Variants in AP2A2 observed in about 807,000 individuals in gnomAD.
AP2A2 encodes the protein AP-2 complex subunit alpha-2.
AP2A2 carries 32 observed loss-of-function variants against 104.2 expected under a neutral mutation model. The observed-to-expected ratio is 0.31, with a 90% CI of 0.23 to 0.41. The LOEUF (loss-of-function observed/expected upper bound fraction) is 0.41. Ranked by LOEUF, AP2A2 falls within the 10% of genes least tolerant of loss-of-function variation. The pLI is 1.00. For missense variants in AP2A2, 912 were observed against 1,261.0 expected (o/e 0.72, Z 4.19); for synonymous variants, 539 against 533.3 (o/e 1.01, Z -0.15).
intron 19 of AP2A2, 27 bp downstream of exon 19, chr11:1,009,243 CAG>C (rs750620957): frequency 7.5e-6 from 12 of 1,609,316 alleles, no homozygotes; most frequent in South Asian, 3.3e-5. Context: ...CTGTAGGGGT[CAG>C]GGGTGGGGAC....
intron 1 of AP2A2, among the ~76,000 whole-genome samples, chr11:956,108 G>A (rs182789645): frequency 2.1e-4 from 32 of 152,332 alleles, no homozygotes; most frequent in African/African-American, 7.7e-4. Flanking sequence ...AGGAGGCCAA[G>A]GTGAGAGGAT....
intron 2 of AP2A2, among the ~76,000 whole-genome samples, chr11:960,289 G>T (rs1355774499): frequency 4.7e-5 from 7 of 150,076 alleles, no homozygotes; most frequent in African/African-American, 1.5e-4. Context: ...GTCGCTCAGT[G>T]TGGAGTGCAG....
chr11:980,892 A>G (rs1439844570), intron 5 of AP2A2, among the ~76,000 whole-genome samples: 1 of 152,256 alleles, frequency 6.6e-6, no homozygotes, highest in African/African-American at 2.4e-5. Flanking sequence ...GGCAGCAGGC[A>G]AGGTGGCGTG....
rs190263258 is a variant in AP2A2 at position 994,497 on chromosome 11, C to T, written c.1956+252C>T. Among the ~76,000 whole-genome samples the T allele has an allele frequency of 4.6e-3, 683 of 147,090 alleles. 2 individuals are homozygous for T. Among genetic ancestry groups the T allele is most frequent in the Middle Eastern group, 7.5e-3 (2 of 268 alleles). On this transcript the variant is annotated intron_variant, in intron 14 of 21. Coordinates refer to ENST00000448903, the MANE Select transcript of AP2A2 (RefSeq NM_012305.4). ...CCCGGGGGCCACTGTCCCTGCTGGA[C>T]GCCCCGCTGTCTGTCCCGGGGGCCA...
chr11:989,934 C>A (rs574803655), intron 10 of AP2A2, among the ~76,000 whole-genome samples: 1 of 152,180 alleles, frequency 6.6e-6, no homozygotes, highest in African/African-American at 2.4e-5. Context: ...GGGCGAAGTG[C>A]GGCTCAAGGC....
intron 1 of AP2A2, among the ~76,000 whole-genome samples, chr11:943,838 G>A (rs531883511): frequency 4.1e-5 from 6 of 147,972 alleles, no homozygotes; most frequent in East Asian, 2.0e-4. Flanking sequence ...GAGTCCGACC[G>A]GAGATGCAGG....
chr11:977,026 G>A (rs1046994249), intron 4 of AP2A2, 69 bp from the exon 5 acceptor site: 16 of 1,598,204 alleles, frequency 1.0e-5, no homozygotes, highest in Admixed American at 6.9e-5. Flanking sequence ...CTGGCTCTGG[G>A]GGGGTGCTCC....
Position 993,672 on chromosome 11 carries a change from G to T in AP2A2, c.1551-82G>T. 8.9e-7 allele frequency: 1 copy of T among 1,124,090 alleles called. No individual in the cohort carries two copies. The allele number at this position is 1,124,090 out of a possible 1,614,324, so 69.6% of individuals were successfully genotyped here. On this transcript the variant is annotated intron_variant, in intron 12 of 21. Coordinates refer to ENST00000448903, the MANE Select transcript of AP2A2 (RefSeq NM_012305.4). The surrounding 1 kb of genome is among the most constrained non-coding windows in gnomAD (Gnocchi z 8.2). The stretch of plus-strand genomic sequence containing the variant: ...CCTCTGGTGCAGGCCAGGGGGTCTC[G>T]CCGCCGTCCCCCCCCCGCGGGGGCG...
Position 1,010,277 on chromosome 11 carries a change from G to A in AP2A2, c.2743-271G>A, listed in dbSNP as rs886182065. 1.8e-5 allele frequency: 10 copies of A among 565,152 alleles called. No individual in the cohort carries two copies. The Admixed American group carries it at 2.5e-4, about 14-fold the overall frequency. The allele number at this position is 565,152 out of a possible 1,614,324, so 35.0% of individuals were successfully genotyped here. The stretch of plus-strand genomic sequence containing the variant: ...CTGCTGTCGCCCAGGGCCTGTGTGT[G>A]GTTAGTGCTGCAAGAACATCCCACA... On this transcript the variant is annotated intron_variant, in intron 21 of 21. Transcript: ENST00000448903.
chr11:998,345 C>T (rs1424524753), intron 14 of AP2A2, among the ~76,000 whole-genome samples: 3 of 148,960 alleles, frequency 2.0e-5, no homozygotes, highest in Non-Finnish European at 4.5e-5. Flanking sequence ...TCTGACCCCC[C>T]GCCCCCATTC....
At chr11:967,413 G>C (rs1474002993) in intron 2 of AP2A2, among the ~76,000 whole-genome samples, 3 of 151,960 alleles carry the variant, frequency 2.0e-5, no homozygotes, top group African/African-American at 7.2e-5. Context: ...CCAGGCTGGA[G>C]TGCAGTGGCG....
chr11:969,785 A>G (rs1324621687), intron 2 of AP2A2, among the ~76,000 whole-genome samples: 7 of 152,176 alleles, frequency 4.6e-5, no homozygotes, highest in African/African-American at 1.2e-4. Flanking sequence ...TTCAAAGACA[A>G]GCTTGATGGT....
intron 16 of AP2A2, among the ~76,000 whole-genome samples, chr11:1,006,276 G>A (rs1792984346): frequency 1.3e-5 from 2 of 152,250 alleles, no homozygotes; most frequent in South Asian, 4.1e-4. Flanking sequence ...TGCGCAGGAG[G>A]GGCCGAGGGA....
intron 1 of AP2A2, among the ~76,000 whole-genome samples, chr11:941,542 A>C (rs991060703): frequency 6.6e-6 from 1 of 150,964 alleles, no homozygotes. Flanking sequence ...TCAGCCTCCC[A>C]AAGTGCTGGG....
intron 1 of AP2A2, among the ~76,000 whole-genome samples, chr11:926,774 C>G (rs1442883948): frequency 2.0e-5 from 3 of 152,202 alleles, no homozygotes; most frequent in Non-Finnish European, 4.4e-5. Flanking sequence ...GCCTCGCTGC[C>G]TGCTGCTCCA....
chr11:970,020 G>A, intron 2 of AP2A2, 149 bp from the exon 3 acceptor site: 1 of 724,152 alleles, frequency 1.4e-6, no homozygotes, highest in Admixed American at 2.4e-5. Context: ...ATGCTCAGCA[G>A]CGTCTGCACT....
chr11:1,001,843 T>C (rs1435267674), intron 15 of AP2A2, among the ~76,000 whole-genome samples: 3 of 152,106 alleles, frequency 2.0e-5, no homozygotes, highest in Non-Finnish European at 4.4e-5. Context: ...ACGCCTCACA[T>C]TGGGTGGCGC....
intron 1 of AP2A2, among the ~76,000 whole-genome samples, chr11:929,111 C>T (rs7479473): frequency 0.48 from 72,845 of 152,040 alleles, 18,386 homozygotes; most frequent in Middle Eastern, 0.65. Flanking sequence ...AATGTATATA[C>T]GTATTGAGTT....
chr11:990,578 G>T (rs1855611392), intron 10 of AP2A2, among the ~76,000 whole-genome samples: 1 of 152,194 alleles, frequency 6.6e-6, no homozygotes, highest in African/African-American at 2.4e-5. Flanking sequence ...GCAATCCTCA[G>T]CCAGCTCCTG....
Sources: gnomAD v4.1 joint callset for allele counts (sites outside exome capture counted in the v4.1 genomes callset) on GRCh38, gnomAD v4.1.1 for gene constraint, Gnocchi (gnomAD v3.1) non-coding constraint, MANE v1.5 for transcripts, NCBI Gene and HGNC (gene_info 2026-07-23, HGNC 2026-07-21) for gene names.